Variants in ATP11C observed in about 807,000 individuals in gnomAD.
ATP11C encodes the protein phospholipid-transporting ATPase IG.
In ATP11C, 36 loss-of-function variants were observed where a neutral mutation model predicts 97.4. That is an observed-to-expected ratio of 0.37 (90% CI 0.28 to 0.49). The LOEUF is 0.49. Among genes scored for constraint, ATP11C ranks in the 20% least tolerant of loss-of-function variants. The pLI, the probability that ATP11C is intolerant of heterozygous loss-of-function variation, is 0.98. For missense variants in ATP11C, 730 were observed against 824.6 expected, an observed-to-expected ratio of 0.89 and a Z score of 1.40; for synonymous variants, 275 against 290.9, an observed-to-expected ratio of 0.95 and a Z score of 0.56.
chrX:139,861,972 G>A (rs2088281677), intron 1 of ATP11C, among the ~76,000 whole-genome samples: 1 of 111,534 alleles, frequency 9.0e-6, no homozygotes, highest in African/African-American at 3.3e-5. Flanking sequence ...TTCCAAAGAG[G>A]ACCCTGTCCC....
intron 1 of ATP11C, among the ~76,000 whole-genome samples, chrX:139,858,464 G>C (rs2084128655): frequency 1.8e-5 from 2 of 111,090 alleles, no homozygotes; most frequent in African/African-American, 6.6e-5. Context: ...GTTCTCCCTG[G>C]GTTTCCTAAT....
chrX:139,816,589 T>TA (rs1478578520), intron 4 of ATP11C, among the ~76,000 whole-genome samples: 1 of 112,120 alleles, frequency 8.9e-6, no homozygotes, highest in Non-Finnish European at 1.9e-5. Flanking sequence ...TAATATGCAT[T>TA]AAAAAATCTG....
At position 139,882,403 on chromosome X, in the gene ATP11C, A is replaced by G. The variant is rs145975004; in HGVS notation, c.27+49613T>C. Among the ~76,000 whole-genome samples the G allele has an allele frequency of 8.2e-3, 916 of 111,471 alleles. 3 individuals are homozygous for G. Among genetic ancestry groups the G allele is most frequent in the Middle Eastern group, 0.018 (4 of 217 alleles). On this transcript the variant is annotated intron_variant, in intron 1 of 29. Coordinates refer to ENST00000682941, the MANE Select transcript of ATP11C (RefSeq NM_001353812.2). ...AACTCAAGGGTCTCCAACTACAAGG[A>G]GCACAACTGATTAAGGACCCCATCT...
chrX:139,738,433 T>C (rs2081490207), intron 27 of ATP11C, among the ~76,000 whole-genome samples: 1 of 111,838 alleles, frequency 8.9e-6, no homozygotes, highest in Non-Finnish European at 1.9e-5. Flanking sequence ...TCCTCAGCTG[T>C]TTTATTAAGA....
chrX:139,736,171 G>A (rs1395615986), intron 28 of ATP11C, among the ~76,000 whole-genome samples: 10 of 109,365 alleles, frequency 9.1e-5, no homozygotes, highest in Admixed American at 6.1e-4. Context: ...GAATCTGTTC[G>A]TGTGAAAAAA....
intron 1 of ATP11C, among the ~76,000 whole-genome samples, chrX:139,857,317 AAGGGG>A (rs2084107173): frequency 8.9e-6 from 1 of 112,188 alleles, no homozygotes; most frequent in Non-Finnish European, 1.9e-5. Flanking sequence ...AAGGAAATAC[AAGGGG>A]AGGGGCTGTT....
chrX:139,745,875 G>GA lies in ATP11C; in HGVS notation c.2829-19dup, dbSNP rs761382190. 23 of 1,184,652 alleles carry GA rather than the reference G, an allele frequency of 1.9e-5. No homozygotes were observed. The highest frequency in any genetic ancestry group is 3.0e-5 in the East Asian group (1 of 33,439). ...AAATTTTCCTATTGAGAAATGGGGGGAAAAAACCATTAGTGAAACTTTTCA... is the reference window on the plus strand; with the variant it reads ...AAATTTTCCTATTGAGAAATGGGGGGAAAAAAACCATTAGTGAAACTTTTCA... On this transcript the variant is annotated intron_variant, in intron 24 of 29. Coordinates refer to ENST00000682941, the MANE Select transcript of ATP11C (RefSeq NM_001353812.2).
chrX:139,804,054 T>A (rs2082990681), intron 6 of ATP11C, among the ~76,000 whole-genome samples: 1 of 110,799 alleles, frequency 9.0e-6, no homozygotes, highest in Non-Finnish European at 1.9e-5. Context: ...GTTTCCTACA[T>A]CCCAAGAATA....
At chrX:139,795,766 C>A (rs1337811465) in intron 12 of ATP11C, among the ~76,000 whole-genome samples, 1 of 111,708 alleles carries the variant, frequency 9.0e-6, no homozygotes, top group African/African-American at 3.3e-5. Context: ...TTGAGGAGTA[C>A]ATGCCCTCAC....
rs778848849 is a variant in ATP11C at position 139,765,503 on chromosome X, C to G, written c.2392-2085G>C. Among the ~76,000 whole-genome samples, 8 of 111,940 alleles carry G rather than the reference C, an allele frequency of 7.1e-5. No individual in the cohort carries two copies. In the Admixed American group the frequency reaches 7.6e-4, roughly 11 times the overall value. On this transcript the variant is annotated intron_variant, in intron 20 of 29. Transcript: ENST00000682941. ...GGATGTCAGAGAAGGGAGAAGATACCATACATGCCAGAGTGATCAGGAATT... is the reference window on the plus strand; with the variant it reads ...GGATGTCAGAGAAGGGAGAAGATACGATACATGCCAGAGTGATCAGGAATT...
chrX:139,820,653 A>G (rs905288035), intron 2 of ATP11C, among the ~76,000 whole-genome samples: 8 of 109,474 alleles, frequency 7.3e-5, no homozygotes, highest in Non-Finnish European at 1.5e-4. Context: ...AATTGGTAAT[A>G]GGTAAAAGTT....
chrX:139,906,788 A>C (rs1230332342), intron 1 of ATP11C, among the ~76,000 whole-genome samples: 27 of 110,046 alleles, frequency 2.5e-4, no homozygotes, highest in African/African-American at 7.9e-4. Flanking sequence ...TCTCAAAAAA[A>C]AAAACAAAAC....
chrX:139,743,613 G>C lies in ATP11C; in HGVS notation c.2976C>G (p.Asn992Lys). 1 of 1,147,960 alleles carries C rather than the reference G, an allele frequency of 8.7e-7. No homozygotes were observed. Among genetic ancestry groups the C allele is most frequent in the Non-Finnish European group, 1.2e-6 (1 of 846,945 alleles). The allele number at this position is 1,147,960 out of a possible 1,213,427, so 94.6% of individuals were successfully genotyped here. ...TAAAAACAATGGTTCCAAAAGTCCA[G>C]TTTCCGTATACCTGAAAAACATTTA... ...SLEENGKVYG[N>K]WTFGTIVFTV... The change falls in exon 26 of 30, where the codon AAC becomes AAG. Residue 992 changes from asparagine (N) to lysine (K), a missense_variant. Coordinates refer to ENST00000682941, the MANE Select transcript of ATP11C (RefSeq NM_001353812.2).
Position 139,881,070 on chromosome X carries a change from A to G in ATP11C, c.27+50946T>C, listed in dbSNP as rs548575413. ...GGAAATATTAAGATGTTACCCTCAG[A>G]GTCCTGCTTCTATTGCATAATAAAA... On this transcript the variant is annotated intron_variant, in intron 1 of 29. Coordinates refer to ENST00000682941, the MANE Select transcript of ATP11C (RefSeq NM_001353812.2). Among the ~76,000 whole-genome samples the G allele has an allele frequency of 6.3e-5, 7 of 111,814 alleles. No individual in the cohort carries two copies. In the South Asian group the frequency reaches 1.5e-3, roughly 24 times the overall value.
chrX:139,756,195 T>C (rs933556619), intron 23 of ATP11C, among the ~76,000 whole-genome samples: 2 of 111,736 alleles, frequency 1.8e-5, no homozygotes, highest in South Asian at 7.5e-4. Flanking sequence ...TCAAAAGACA[T>C]ACACGCAGCC....
At chrX:139,825,759 A>G in intron 2 of ATP11C, among the ~76,000 whole-genome samples, 1 of 112,715 alleles carries the variant, frequency 8.9e-6, no homozygotes, top group East Asian at 2.8e-4. Context: ...AGTGATTACA[A>G]GTGTACAGTG....
At chrX:139,793,666 C>A (rs975508302) in intron 12 of ATP11C, among the ~76,000 whole-genome samples, 2 of 111,240 alleles carry the variant, frequency 1.8e-5, no homozygotes, top group African/African-American at 6.5e-5. Context: ...TTAACGATAC[C>A]TGCTGCACAA....
chrX:139,804,281 C>T (rs1445775348), intron 6 of ATP11C, among the ~76,000 whole-genome samples, 190 bp downstream of exon 6: 2 of 110,833 alleles, frequency 1.8e-5, no homozygotes, highest in Non-Finnish European at 3.8e-5. Context: ...CACGTAATTA[C>T]CACCCTTTTA....
At position 139,810,874 on chromosome X, in the gene ATP11C, T is replaced by G. The variant is rs199884846; in HGVS notation, c.426+4004A>C. ...CCGTTCTCTAAATTCAGAGTTTTTT[T>G]TTTTTTTTTTCAGACGCACTCACTG... On this transcript the variant is annotated intron_variant, in intron 5 of 29. Coordinates refer to ENST00000682941, the MANE Select transcript of ATP11C (RefSeq NM_001353812.2). Among the ~76,000 whole-genome samples the G allele has an allele frequency of 2.2e-4, 24 of 110,263 alleles. No individual in the cohort carries two copies. The East Asian group carries it at 6.6e-3, about 30-fold the overall frequency.
Sources: allele counts gnomAD v4.1 joint callset (sites outside exome capture counted in the v4.1 genomes callset), GRCh38; gene constraint gnomAD v4.1.1; transcripts MANE v1.5; gene names NCBI Gene and HGNC (gene_info 2026-07-23, HGNC 2026-07-21).